The following WWOX variants were observed in gnomAD, a reference collection of about 807,000 sequenced individuals.
WWOX encodes the protein WW domain containing oxidoreductase, also known as WW domain-containing oxidoreductase.
Under a neutral mutation model 46.2 loss-of-function variants are expected in WWOX, and 69 were observed. That is an observed-to-expected ratio of 1.49 (90% CI 1.23 to 1.82). The LOEUF is 1.82. WWOX is among the 40% of genes most tolerant of loss of function. The pLI, the probability that WWOX is intolerant of heterozygous loss-of-function variation, is 0.00. For synonymous variants in WWOX, 359 were observed against 202.6 expected (o/e 1.77, Z -6.56); for missense variants, 919 against 542.6 (o/e 1.69, Z -6.89).
At chr16:78,914,765 G>C (rs1311487526) in intron 8 of WWOX, among the ~76,000 whole-genome samples, 1 of 151,666 alleles carries the variant, frequency 6.6e-6, no homozygotes, top group Non-Finnish European at 1.5e-5. Context: ...TGTAGTCCCA[G>C]CTACTCTGGA....
intron 8 of WWOX, among the ~76,000 whole-genome samples, chr16:78,858,201 T>C (rs947159382): frequency 6.6e-6 from 1 of 151,650 alleles, no homozygotes; most frequent in Non-Finnish European, 1.5e-5. Flanking sequence ...TATAAGTTTT[T>C]ATTTCAATCG....
chr16:78,861,893 A>G (rs2043892897), intron 8 of WWOX, among the ~76,000 whole-genome samples: 1 of 152,224 alleles, frequency 6.6e-6, no homozygotes, highest in Non-Finnish European at 1.5e-5. Flanking sequence ...TATCCAGTGC[A>G]AGGCTAAAAT....
chr16:78,134,354 T>TGG (rs1012412795), intron 4 of WWOX, among the ~76,000 whole-genome samples: 9 of 151,854 alleles, frequency 5.9e-5, no homozygotes, highest in African/African-American at 1.7e-4. Flanking sequence ...TTTTTTTTTT[T>TGG]GGGTGCAGTG....
At chr16:78,660,347 A>C (rs1202299178) in intron 8 of WWOX, among the ~76,000 whole-genome samples, 2 of 152,018 alleles carry the variant, frequency 1.3e-5, no homozygotes, top group African/African-American at 4.8e-5. Flanking sequence ...TTATTTGAGG[A>C]GGTATGTTGT....
intron 8 of WWOX, among the ~76,000 whole-genome samples, chr16:78,681,007 G>A (rs981330305): frequency 1.1e-4 from 16 of 152,180 alleles, no homozygotes; most frequent in African/African-American, 3.9e-4. Context: ...CCAGCACTTT[G>A]GGAGGCCGAG....
At chr16:79,029,381 G>A (rs998768739) in intron 8 of WWOX, among the ~76,000 whole-genome samples, 3 of 152,136 alleles carry the variant, frequency 2.0e-5, no homozygotes, top group Admixed American at 2.0e-4. Flanking sequence ...CACATACACA[G>A]TAAACCCATC....
intron 7 of WWOX, among the ~76,000 whole-genome samples, chr16:78,432,235 A>G (rs187980981): frequency 1.3e-5 from 2 of 151,584 alleles, no homozygotes. Flanking sequence ...CTCTTGCTTC[A>G]GATTCCCGTG....
intron 8 of WWOX, among the ~76,000 whole-genome samples, chr16:79,096,561 T>C (rs1469057811): frequency 6.6e-6 from 1 of 152,166 alleles, no homozygotes; most frequent in Non-Finnish European, 1.5e-5. Flanking sequence ...CTTCTCTAGA[T>C]ACCATCTTTA....
intron 8 of WWOX, among the ~76,000 whole-genome samples, chr16:78,651,949 G>C (rs1055788214): frequency 6.6e-6 from 1 of 152,114 alleles, no homozygotes; most frequent in African/African-American, 2.4e-5. Context: ...CACAGGGATG[G>C]TTGCCATTAT....
intron 8 of WWOX, among the ~76,000 whole-genome samples, chr16:79,024,687 G>T (rs544366070): frequency 6.6e-6 from 1 of 151,840 alleles, no homozygotes; most frequent in South Asian, 2.1e-4. Flanking sequence ...TGCCCACCTC[G>T]GCCTCCCAAA....
chr16:79,117,941 C>T (rs538934823), intron 8 of WWOX, among the ~76,000 whole-genome samples: 13 of 152,296 alleles, frequency 8.5e-5, no homozygotes, highest in Middle Eastern at 3.4e-3. Flanking sequence ...CTCAAACATT[C>T]TTCATATGGG....
chr16:78,390,396 C>G (rs994784674), intron 6 of WWOX, among the ~76,000 whole-genome samples: 2 of 152,204 alleles, frequency 1.3e-5, no homozygotes, highest in Admixed American at 6.5e-5. Flanking sequence ...AGGAAACTCT[C>G]ACCCATTTTG....
At chr16:79,084,231 C>A (rs1024107150) in intron 8 of WWOX, among the ~76,000 whole-genome samples, 2 of 151,996 alleles carry the variant, frequency 1.3e-5, no homozygotes, top group South Asian at 2.1e-4. Context: ...ATTTCTTGTT[C>A]CTAGTGAAGA....
chr16:78,787,953 A>C (rs577196348), intron 8 of WWOX, among the ~76,000 whole-genome samples: 38 of 152,150 alleles, frequency 2.5e-4, no homozygotes, highest in Admixed American at 9.2e-4. Context: ...TAAAATAGAA[A>C]TGTTGATTCA....
chr16:78,798,207 G>C (rs1452377429), intron 8 of WWOX, among the ~76,000 whole-genome samples: 1 of 152,110 alleles, frequency 6.6e-6, no homozygotes, highest in Non-Finnish European at 1.5e-5. Flanking sequence ...AGCAAGAAAG[G>C]ATAGCCTTGT....
chr16:79,097,213 G>A (rs2049094104), intron 8 of WWOX, among the ~76,000 whole-genome samples: 1 of 152,124 alleles, frequency 6.6e-6, no homozygotes, highest in South Asian at 2.1e-4. Flanking sequence ...TAAAGAGCCT[G>A]CTTTTCTCAA....
At chr16:78,509,967 G>A (rs1452719954) in intron 8 of WWOX, among the ~76,000 whole-genome samples, 1 of 151,558 alleles carries the variant, frequency 6.6e-6, no homozygotes, top group East Asian at 1.9e-4. Flanking sequence ...TGGCATGGTG[G>A]CACATGCCTG....
At chr16:78,989,855 T>TGA (rs1555507900) in intron 8 of WWOX, among the ~76,000 whole-genome samples, 3 of 149,762 alleles carry the variant, frequency 2.0e-5, no homozygotes, top group South Asian at 2.1e-4. Context: ...TGTGTGTGTG[T>TGA]GATTGAGAGA....
intron 8 of WWOX, among the ~76,000 whole-genome samples, chr16:78,775,269 G>T (rs971377486): frequency 2.0e-5 from 3 of 152,136 alleles, no homozygotes; most frequent in Admixed American, 2.0e-4. Context: ...AAAATATCTT[G>T]TGGGTTTGAA....
Sources: gnomAD v4.1 joint callset for allele counts (sites outside exome capture counted in the v4.1 genomes callset) on GRCh38, gnomAD v4.1.1 for gene constraint, MANE v1.5 for transcripts, NCBI Gene and HGNC (gene_info 2026-07-23, HGNC 2026-07-21) for gene names.